Variants in KCND2 observed in about 807,000 individuals in gnomAD.
The protein encoded by KCND2 is A-type voltage-gated potassium channel KCND2.
KCND2 carries 16 observed loss-of-function variants against 54.4 expected under a neutral mutation model. The observed-to-expected ratio is 0.29, with a 90% CI of 0.20 to 0.45. The LOEUF (loss-of-function observed/expected upper bound fraction) is 0.45. Ranked by LOEUF, KCND2 falls within the 20% of genes least tolerant of loss-of-function variation. KCND2 has a pLI of 1.00. For synonymous variants in KCND2, 317 were observed against 310.7 expected (o/e 1.02, Z -0.21); for missense variants, 486 against 824.2 (o/e 0.59, Z 5.02).
At chr7:120,559,167 A>G (rs1250992820) in intron 1 of KCND2, among the ~76,000 whole-genome samples, 1 of 152,202 alleles carries the variant, frequency 6.6e-6, no homozygotes, top group Non-Finnish European at 1.5e-5. Flanking sequence ...CTCTAACTGC[A>G]TAACTGTGTT....
intron 1 of KCND2, among the ~76,000 whole-genome samples, chr7:120,284,343 C>T (rs1223734022): frequency 6.6e-6 from 1 of 152,010 alleles, no homozygotes; most frequent in Non-Finnish European, 1.5e-5. Context: ...GGTTTCCTTT[C>T]GTCATGCTGT....
intron 1 of KCND2, among the ~76,000 whole-genome samples, chr7:120,632,773 C>T (rs759014166): frequency 2.8e-4 from 43 of 152,252 alleles, no homozygotes; most frequent in African/African-American, 1.0e-3. Flanking sequence ...TGCCCCAGAT[C>T]GCACAGTGAA....
chr7:120,407,862 A>C (rs1435790473), intron 1 of KCND2, among the ~76,000 whole-genome samples: 2 of 151,960 alleles, frequency 1.3e-5, no homozygotes, highest in Non-Finnish European at 2.9e-5. Flanking sequence ...AAGAGTTAAG[A>C]GATGAAAGAT....
chr7:120,620,464 G>A (rs186279467), intron 1 of KCND2, among the ~76,000 whole-genome samples: 2 of 152,218 alleles, frequency 1.3e-5, no homozygotes, highest in African/African-American at 4.8e-5. Context: ...TATGGTAAAA[G>A]CATTTGTGGT....
intron 1 of KCND2, among the ~76,000 whole-genome samples, chr7:120,712,148 CG>C (rs1792546819): frequency 1.0e-5 from 1 of 97,836 alleles, no homozygotes; most frequent in African/African-American, 4.2e-5. Context: ...TTTTTTTTGT[CG>C]TGGTACGTCT....
At chr7:120,335,811 T>C (rs1047519384) in intron 1 of KCND2, among the ~76,000 whole-genome samples, 10 of 152,152 alleles carry the variant, frequency 6.6e-5, no homozygotes, top group African/African-American at 2.4e-4. Flanking sequence ...AAATATTTCT[T>C]CCTTTTCTTC....
At chr7:120,466,058 T>G (rs1444235398) in intron 1 of KCND2, among the ~76,000 whole-genome samples, 3 of 152,200 alleles carry the variant, frequency 2.0e-5, no homozygotes, top group Non-Finnish European at 4.4e-5. Flanking sequence ...CATTATAAGA[T>G]GTTTAACAGC....
chr7:120,578,916 T>TCACACA (rs111758455), intron 1 of KCND2, among the ~76,000 whole-genome samples: 290 of 146,862 alleles, frequency 2.0e-3, no homozygotes, highest in African/African-American at 5.6e-3. Flanking sequence ...AGACCCTGTC[T>TCACACA]CACACACACA....
At chr7:120,632,285 G>A (rs997055771) in intron 1 of KCND2, among the ~76,000 whole-genome samples, 1 of 152,134 alleles carries the variant, frequency 6.6e-6, no homozygotes, top group African/African-American at 2.4e-5. Context: ...GCTGAACAGC[G>A]AGAAACAAGG....
intron 1 of KCND2, among the ~76,000 whole-genome samples, chr7:120,448,195 A>G (rs1033628637): frequency 7.0e-6 from 1 of 143,412 alleles, no homozygotes; most frequent in African/African-American, 2.6e-5. Flanking sequence ...CCACCCCACA[A>G]CAGGCCCCAG....
chr7:120,694,982 A>G (rs1382876717), intron 1 of KCND2, among the ~76,000 whole-genome samples: 3 of 151,120 alleles, frequency 2.0e-5, no homozygotes, highest in Non-Finnish European at 4.4e-5. Flanking sequence ...TCCTTGGCCA[A>G]CCTCCTCTGC....
In KCND2 at chr7:120,732,761, G is replaced by A. The variant is rs1001448616; in HGVS notation, c.1116-142G>A. On this transcript the variant is annotated intron_variant, in intron 1 of 5. Transcript: ENST00000331113. The stretch of plus-strand genomic sequence containing the variant: ...TTTATAATTTCTGACATTAAAGTCT[G>A]AAGCCATATATATTATAGTCACAAA... 1.2e-3 allele frequency: 776 copies of A among 621,682 alleles called. 12 individuals carry two copies. The highest frequency in any genetic ancestry group is 2.4e-4 in the Non-Finnish European group (86 of 358,748). 38.5% of individuals were successfully genotyped at this position (621,682 alleles called of 1,614,324 possible).
intron 1 of KCND2, among the ~76,000 whole-genome samples, chr7:120,441,356 G>A (rs980404279): frequency 2.0e-5 from 3 of 151,986 alleles, no homozygotes; most frequent in Non-Finnish European, 2.9e-5. Context: ...ACATAGTAGG[G>A]CATGTATATG....
At chr7:120,443,016 T>G (rs1032723519) in intron 1 of KCND2, among the ~76,000 whole-genome samples, 2 of 152,150 alleles carry the variant, frequency 1.3e-5, no homozygotes, top group Admixed American at 1.3e-4. Flanking sequence ...CTGTGTATGT[T>G]TGTCTTACTC....
At chr7:120,733,215 G>A (rs965598677) in intron 2 of KCND2, 150 bp downstream of exon 2, 15 of 733,752 alleles carry the variant, frequency 2.0e-5, no homozygotes, top group Middle Eastern at 5.1e-4. Flanking sequence ...AAAAAGAAAC[G>A]TAACATCTCA....
rs1401089963 is a variant in KCND2, at chr7:120,584,218, A to G, written c.1116-148685A>G. ...TACATTTTGAATTATGTCATCACAC[A>G]TATGCTGCCCTTGTGTATCAGCAGT... is the stretch of plus-strand genomic sequence containing the variant. On this transcript the variant is annotated intron_variant, in intron 1 of 5. Transcript: ENST00000331113. Among the ~76,000 whole-genome samples, 4 of 152,186 alleles carry G rather than the reference A, an allele frequency of 2.6e-5. No homozygotes were observed. The East Asian group carries it at 7.7e-4, about 29-fold the overall frequency.
At chr7:120,603,035 G>A (rs1369704848) in intron 1 of KCND2, among the ~76,000 whole-genome samples, 1 of 152,114 alleles carries the variant, frequency 6.6e-6, no homozygotes, top group African/African-American at 2.4e-5. Flanking sequence ...GCCAACTTAT[G>A]GAGCCTGATA....
At chr7:120,489,624 T>C (rs1001700881) in intron 1 of KCND2, among the ~76,000 whole-genome samples, 2 of 152,208 alleles carry the variant, frequency 1.3e-5, no homozygotes, top group African/African-American at 2.4e-5. Flanking sequence ...GAGATTTCCA[T>C]AGAGATTAAA....
intron 1 of KCND2, among the ~76,000 whole-genome samples, chr7:120,586,303 A>G (rs1211926418): frequency 6.6e-6 from 1 of 151,990 alleles, no homozygotes; most frequent in Non-Finnish European, 1.5e-5. Context: ...ATGATGTTTG[A>G]CCCTCATGTA....
Sources: allele counts gnomAD v4.1 joint callset (sites outside exome capture counted in the v4.1 genomes callset), GRCh38; gene constraint gnomAD v4.1.1; transcripts MANE v1.5; gene names NCBI Gene and HGNC (gene_info 2026-07-23, HGNC 2026-07-21).